Variants in SLC44A5 observed in about 807,000 individuals in gnomAD.
SLC44A5 encodes solute carrier family 44 member 5.
In SLC44A5, 57 loss-of-function variants were observed where a neutral mutation model predicts 101.8. That is an observed-to-expected ratio of 0.56 (90% confidence interval 0.45 to 0.70). SLC44A5 has a LOEUF of 0.70. Ranked by LOEUF, SLC44A5 falls within the 30% of genes least tolerant of loss-of-function variation. SLC44A5 has a pLI of 0.00. For synonymous variants in SLC44A5, 281 were observed against 290.9 expected, an observed-to-expected ratio of 0.97 and a Z score of 0.35; for missense variants, 737 against 853.1, an observed-to-expected ratio of 0.86 and a Z score of 1.70.
At chr1:75,328,622 T>A (rs1300020698) in intron 4 of SLC44A5, among the ~76,000 whole-genome samples, 1 of 152,188 alleles carries the variant, frequency 6.6e-6, no homozygotes, top group Non-Finnish European at 1.5e-5. Context: ...GCAGGTTCAC[T>A]CTCTGGCATT....
chr1:75,255,880 T>C (rs1649978030), intron 6 of SLC44A5, among the ~76,000 whole-genome samples: 1 of 151,618 alleles, frequency 6.6e-6, no homozygotes, highest in Non-Finnish European at 1.5e-5. Context: ...GAATTGTTTT[T>C]CAATCTACAC....
chr1:75,674,680 C>T, the SLC44A5 span, among the ~76,000 whole-genome samples: 2 of 151,740 alleles, frequency 1.3e-5, no homozygotes, highest in Non-Finnish European at 2.9e-5. Context: ...CCTCACCCAG[C>T]CAGAAAAAAT....
chr1:75,354,432 C>G (rs1264622745), intron 3 of SLC44A5, among the ~76,000 whole-genome samples: 1 of 152,180 alleles, frequency 6.6e-6, no homozygotes, highest in Non-Finnish European at 1.5e-5. Flanking sequence ...TCTAGCACTC[C>G]CATTATCTCA....
intron 7 of SLC44A5, among the ~76,000 whole-genome samples, chr1:75,249,562 T>G (rs1185108258): frequency 1.3e-5 from 2 of 152,108 alleles, no homozygotes; most frequent in Admixed American, 6.6e-5. Context: ...GGAAATCTTC[T>G]CAGAGAACGC....
intron 3 of SLC44A5, among the ~76,000 whole-genome samples, chr1:75,361,957 A>G (rs1314052478): frequency 1.3e-5 from 2 of 151,906 alleles, no homozygotes; most frequent in Non-Finnish European, 2.9e-5. Context: ...ATCTTAGAGG[A>G]AGACATTTTG....
At chr1:75,473,518 A>G (rs1258843095) in intron 2 of SLC44A5, among the ~76,000 whole-genome samples, 1 of 152,160 alleles carries the variant, frequency 6.6e-6, no homozygotes, top group Non-Finnish European at 1.5e-5. Flanking sequence ...TTCTTGCAGA[A>G]TTTGGGGGTA....
At chr1:75,383,197 T>G (rs1661023048) in intron 3 of SLC44A5, among the ~76,000 whole-genome samples, 2 of 102,888 alleles carry the variant, frequency 1.9e-5, no homozygotes, top group Non-Finnish European at 3.9e-5. Context: ...AGACCTTTGT[T>G]CACGTGTTTG....
At chr1:75,247,526 A>G (rs1649213872) in intron 7 of SLC44A5, among the ~76,000 whole-genome samples, 1 of 152,142 alleles carries the variant, frequency 6.6e-6, no homozygotes, top group African/African-American at 2.4e-5. Flanking sequence ...TGTTAAACCC[A>G]ATGGACTAGG....
At chr1:75,373,466 C>G (rs1660361029) in intron 3 of SLC44A5, among the ~76,000 whole-genome samples, 1 of 152,174 alleles carries the variant, frequency 6.6e-6, no homozygotes, top group Non-Finnish European at 1.5e-5. Context: ...TTCTTAGAGA[C>G]CAGACAGAGG....
chr1:75,290,358 T>C (rs1223635676), intron 5 of SLC44A5, among the ~76,000 whole-genome samples: 1 of 152,146 alleles, frequency 6.6e-6, no homozygotes, highest in East Asian at 1.9e-4. Context: ...GAGTAGAGTT[T>C]AATAAAGAAG....
chr1:75,359,852 A>G (rs1659361297), intron 3 of SLC44A5, among the ~76,000 whole-genome samples: 2 of 152,186 alleles, frequency 1.3e-5, no homozygotes, highest in South Asian at 4.1e-4. Flanking sequence ...CATATTTTCA[A>G]TAATAGCCAA....
At chr1:75,643,388 A>G in the SLC44A5 span, among the ~76,000 whole-genome samples, 1 of 152,170 alleles carries the variant, frequency 6.6e-6, no homozygotes, top group Non-Finnish European at 1.5e-5. Flanking sequence ...TCTAAGTAGA[A>G]CTAAATTCAT....
chr1:75,516,088 A>C (rs1163539738), intron 2 of SLC44A5, among the ~76,000 whole-genome samples: 1 of 152,238 alleles, frequency 6.6e-6, no homozygotes, highest in Non-Finnish European at 1.5e-5. Context: ...TAATAGAGCC[A>C]CTATAAAAAA....
chr1:75,634,510 A>T, the SLC44A5 span, among the ~76,000 whole-genome samples: 3 of 151,196 alleles, frequency 2.0e-5, no homozygotes, highest in Non-Finnish European at 4.4e-5. Flanking sequence ...ATAACGCCGC[A>T]TATCTACAAC....
intron 8 of SLC44A5, 37 bp from the exon 9 acceptor site, chr1:75,242,098 C>T: frequency 6.5e-7 from 1 of 1,544,308 alleles, no homozygotes; most frequent in Non-Finnish European, 8.9e-7. Flanking sequence ...TTTCAAAGGC[C>T]ATGTGATGAT....
At chr1:75,585,428 A>G (rs1018662146) in intron 1 of SLC44A5, among the ~76,000 whole-genome samples, 1 of 152,248 alleles carries the variant, frequency 6.6e-6, no homozygotes, top group Admixed American at 6.5e-5. Flanking sequence ...TCGAAGCCTC[A>G]ATATTCATGT....
At chr1:75,678,660 G>A in the SLC44A5 span, among the ~76,000 whole-genome samples, 1 of 150,732 alleles carries the variant, frequency 6.6e-6, no homozygotes, top group South Asian at 2.1e-4. Context: ...CAAAGATGGG[G>A]AAAAAACAGA....
chr1:75,582,510 T>C (rs1557932173), intron 1 of SLC44A5: 3 of 571,070 alleles, frequency 5.3e-6, no homozygotes, highest in Non-Finnish European at 6.2e-6. Context: ...CCAGCTTCAA[T>C]TCCAGCTCAG....
At chr1:75,698,505 A>C in the SLC44A5 span, among the ~76,000 whole-genome samples, 2 of 152,246 alleles carry the variant, frequency 1.3e-5, no homozygotes, top group Non-Finnish European at 2.9e-5. Flanking sequence ...CCATCTGTAC[A>C]TCACCATCAT....
Sources: gnomAD v4.1 joint callset for allele counts (sites outside exome capture counted in the v4.1 genomes callset) on GRCh38, gnomAD v4.1.1 for gene constraint, MANE v1.5 for transcripts, NCBI Gene and HGNC (gene_info 2026-07-23, HGNC 2026-07-21) for gene names.